Variants in ZNF804A observed in about 807,000 individuals in gnomAD.
ZNF804A encodes zinc finger protein 804A.
ZNF804A carries 2 observed loss-of-function variants against 16.5 expected under a neutral mutation model. The observed-to-expected ratio is 0.12, with a 90% confidence interval of 0.05 to 0.38. The LOEUF (loss-of-function observed/expected upper bound fraction) is 0.38. Among genes scored for constraint, ZNF804A ranks in the 10% least tolerant of loss-of-function variants. The probability of loss-of-function intolerance (pLI) is 0.99; values close to 1 mark genes in which losing one functional copy is unlikely to be tolerated. For synonymous variants in ZNF804A, 534 were observed against 489.6 expected, an observed-to-expected ratio of 1.09 and a Z score of -1.20; for missense variants, 1,473 against 1,390.7, an observed-to-expected ratio of 1.06 and a Z score of -0.94.
rs1212313234 is a variant in ZNF804A at position 184,935,849 on chromosome 2, T to G, written c.453T>G (p.Ile151Met). 4.3e-6 allele frequency: 7 copies of G among 1,613,632 alleles called. No individual in the cohort carries two copies. The highest frequency in any genetic ancestry group is 5.9e-6 in the Non-Finnish European group (7 of 1,179,840). ...CTGTGAGAGAAAACTGTAATGAAAT[T>G]TCCCAACGAGTTGTTGTGGATTCAG... ...TVTVRENCNE[I>M]SQRVVVDSVN... The change falls in exon 4 of 4, where the codon ATT (isoleucine) becomes ATG (methionine). Residue 151 changes from isoleucine (I) to methionine (M), a missense_variant. Physicochemically the swap from Ile to Met is conservative, Grantham distance 10. Coordinates refer to ENST00000302277, the MANE Select transcript of ZNF804A (RefSeq NM_194250.2).
At chr2:184,933,781 A>T (rs1403834196) in intron 3 of ZNF804A, 48 bp downstream of exon 3, 1 of 1,553,508 alleles carries the variant, frequency 6.4e-7, no homozygotes, top group Non-Finnish European at 8.7e-7. Flanking sequence ...TGACCAAAAA[A>T]GGGGTATAGG....
chr2:184,634,351 A>G (rs1389621402), intron 1 of ZNF804A, among the ~76,000 whole-genome samples: 1 of 152,196 alleles, frequency 6.6e-6, no homozygotes, highest in South Asian at 2.1e-4. Flanking sequence ...TCAGATGTCC[A>G]CATATTAATC....
intron 1 of ZNF804A, among the ~76,000 whole-genome samples, chr2:184,776,032 T>C (rs1232709253): frequency 6.6e-6 from 1 of 151,610 alleles, no homozygotes; most frequent in Non-Finnish European, 1.5e-5. Flanking sequence ...TCTACAAGTA[T>C]TTACTAAGCA....
chr2:184,827,210 G>A (rs1278749667), intron 1 of ZNF804A, among the ~76,000 whole-genome samples: 3 of 151,146 alleles, frequency 2.0e-5, no homozygotes, highest in Admixed American at 6.6e-5. Flanking sequence ...AGTTGATCTG[G>A]TTCTATTATA....
chr2:184,685,136 T>G (rs1387774526), intron 1 of ZNF804A, among the ~76,000 whole-genome samples: 1 of 152,090 alleles, frequency 6.6e-6, no homozygotes, highest in East Asian at 1.9e-4. Context: ...CCAGGCACGC[T>G]GGCTGCTATG....
chr2:184,865,823 G>T (rs1406975314), intron 1 of ZNF804A, among the ~76,000 whole-genome samples: 1 of 151,942 alleles, frequency 6.6e-6, no homozygotes, highest in African/African-American at 2.4e-5. Context: ...TTATTTTAAT[G>T]TTCATTCTAA....
intron 1 of ZNF804A, among the ~76,000 whole-genome samples, chr2:184,623,012 G>A (rs540936988): frequency 5.9e-5 from 9 of 152,118 alleles, no homozygotes; most frequent in Admixed American, 3.3e-4. Context: ...GACAAGAAAG[G>A]CATTCCCTTT....
rs977363245 is a variant in ZNF804A, at chr2:184,842,331, G to A, written c.112-24038G>A. Among the ~76,000 whole-genome samples, 11 of 152,130 alleles carry A rather than the reference G, an allele frequency of 7.2e-5. 1 individual carries two copies. Among genetic ancestry groups the A allele is most frequent in the African/African-American group, 2.7e-4 (11 of 41,438 alleles). On this transcript the variant is annotated intron_variant, in intron 1 of 3. Coordinates refer to ENST00000302277, the MANE Select transcript of ZNF804A (RefSeq NM_194250.2). The stretch of plus-strand genomic sequence containing the variant: ...TCTATATATTGTTCCTCTTATTATG[G>A]AAGCTATGGTTGCATGATGATCTTT...
rs376065081 is a variant in ZNF804A at position 184,678,191 on chromosome 2, A to G, written c.111+79121A>G. ...TTCGAGAGCATTATTTCTTTAAAAC[A>G]GTGTAAGTGATTATATATTATAATA... On this transcript the variant is annotated intron_variant, in intron 1 of 3. Transcript: ENST00000302277. Among the ~76,000 whole-genome samples, 47 of 152,212 alleles carry G rather than the reference A, an allele frequency of 3.1e-4. No homozygotes were observed. The East Asian group carries it at 5.2e-3, about 17-fold the overall frequency.
At chr2:184,849,539 A>G (rs905229600) in intron 1 of ZNF804A, among the ~76,000 whole-genome samples, 2 of 152,108 alleles carry the variant, frequency 1.3e-5, no homozygotes, top group Non-Finnish European at 2.9e-5. Context: ...AGGAGATACC[A>G]TCTTTCCCCA....
intron 1 of ZNF804A, among the ~76,000 whole-genome samples, chr2:184,735,950 G>A (rs572369217): frequency 6.6e-6 from 1 of 152,118 alleles, no homozygotes; most frequent in African/African-American, 2.4e-5. Context: ...TTGAGTAGAT[G>A]ATTTATTTTT....
Position 184,936,939 on chromosome 2 carries a change from A to C in ZNF804A, c.1543A>C (p.Ser515Arg), listed in dbSNP as rs1215083107. The change falls in exon 4 of 4, where the codon AGT (serine) becomes CGT (arginine). Residue 515 changes from serine to arginine, a missense_variant. Transcript: ENST00000302277. ...AGGACTCACTGATTATGAAATTGGAAGTAGCAAAAATAAATGCAGCCAAGT... is the reference window on the plus strand; with the variant it reads ...AGGACTCACTGATTATGAAATTGGACGTAGCAAAAATAAATGCAGCCAAGT... ...TEGLTDYEIGSSKNKCSQVTP... is the reference protein window; with the variant it reads ...TEGLTDYEIGRSKNKCSQVTP... 1 of 1,614,030 alleles carries C rather than the reference A, an allele frequency of 6.2e-7. No homozygotes were observed. Among genetic ancestry groups the C allele is most frequent in the Non-Finnish European group, 8.5e-7 (1 of 1,179,942 alleles).
chr2:184,720,277 C>T (rs1693288797), intron 1 of ZNF804A, among the ~76,000 whole-genome samples: 1 of 152,092 alleles, frequency 6.6e-6, no homozygotes, highest in Non-Finnish European at 1.5e-5. Context: ...ACAGACACAA[C>T]CAAACCATAT....
At chr2:184,731,381 C>A (rs1693516960) in intron 1 of ZNF804A, among the ~76,000 whole-genome samples, 1 of 151,078 alleles carries the variant, frequency 6.6e-6, no homozygotes, top group Non-Finnish European at 1.5e-5. Context: ...TGCTCTACAT[C>A]CTTGTCAGCA....
At chr2:184,816,536 C>A (rs1368182285) in intron 1 of ZNF804A, among the ~76,000 whole-genome samples, 1 of 151,988 alleles carries the variant, frequency 6.6e-6, no homozygotes, top group Non-Finnish European at 1.5e-5. Flanking sequence ...TACAATTATT[C>A]AACGTTCAAT....
At chr2:184,745,204 A>G (rs897893282) in intron 1 of ZNF804A, among the ~76,000 whole-genome samples, 2 of 151,862 alleles carry the variant, frequency 1.3e-5, no homozygotes, top group African/African-American at 4.8e-5. Flanking sequence ...AATAACAGAT[A>G]TTGGCATTGT....
Position 184,938,723 on chromosome 2 carries a change from TGCTGCAGCTGCAGCTGCAGCCGCA to T in ZNF804A, c.3335_3358del (p.Ala1112_Ala1119del), listed in dbSNP as rs767284674. Reference sequence around the variant, plus strand: ...CTGTTTTGCAGCAGCACGCTGCAGCTGCTGCAGCTGCAGCTGCAGCCGCAGCTGCAGGAACCTTTAAAGTGCTTC... The same window carrying T: ...CTGTTTTGCAGCAGCACGCTGCAGCTGCTGCAGGAACCTTTAAAGTGCTTC... On this transcript the variant is annotated inframe_deletion, in exon 4 of 4. Transcript: ENST00000302277. 2.2e-5 allele frequency: 36 copies of T among 1,607,842 alleles called. No individual in the cohort carries two copies. Among genetic ancestry groups the T allele is most frequent in the East Asian group, 4.5e-5 (2 of 44,748 alleles).
At chr2:184,859,713 T>C (rs142202836) in intron 1 of ZNF804A, among the ~76,000 whole-genome samples, 108 of 152,320 alleles carry the variant, frequency 7.1e-4, no homozygotes, top group African/African-American at 2.5e-3. Context: ...TAGAAATAGT[T>C]TATTATTCCA....
intron 2 of ZNF804A, among the ~76,000 whole-genome samples, chr2:184,881,648 G>A (rs1356313466): frequency 1.3e-5 from 2 of 151,186 alleles, no homozygotes; most frequent in South Asian, 2.1e-4. Context: ...ATTACTAAGA[G>A]TTTTTTTTTC....
Sources: gnomAD v4.1 joint callset for allele counts (sites outside exome capture counted in the v4.1 genomes callset) on GRCh38, gnomAD v4.1.1 for gene constraint, MANE v1.5 for transcripts, NCBI Gene and HGNC (gene_info 2026-07-23, HGNC 2026-07-21) for gene names.